The following DEUP1 variants were observed in gnomAD, a reference collection of about 807,000 sequenced individuals.
DEUP1 encodes the protein deuterosome assembly protein 1.
In DEUP1, 82 loss-of-function variants were observed where a neutral mutation model predicts 87.4. The observed-to-expected ratio is 0.94, with a 90% CI of 0.78 to 1.13. The LOEUF (loss-of-function observed/expected upper bound fraction) is 1.13. Ranked by LOEUF, DEUP1 falls within the 50% of genes most tolerant of loss-of-function variation. The probability of loss-of-function intolerance (pLI) is 0.00; values close to 1 mark genes in which losing one functional copy is unlikely to be tolerated. For missense variants in DEUP1, 663 were observed against 681.5 expected, an observed-to-expected ratio of 0.97 and a Z score of 0.30; for synonymous variants, 214 against 222.7, an observed-to-expected ratio of 0.96 and a Z score of 0.35.
intron 12 of DEUP1, among the ~76,000 whole-genome samples, chr11:93,409,867 TATA>T (rs1319494463): frequency 2.6e-5 from 4 of 152,174 alleles, no homozygotes; most frequent in Non-Finnish European, 5.9e-5. Context: ...TGTTAGTATT[TATA>T]ATAATATTTC....
At chr11:93,404,621 T>C (rs1947215202) in intron 11 of DEUP1, among the ~76,000 whole-genome samples, 1 of 152,044 alleles carries the variant, frequency 6.6e-6, no homozygotes, top group African/African-American at 2.4e-5. Flanking sequence ...AGAAAAACCA[T>C]ACATGCAAAA....
At chr11:93,393,422 T>A (rs1946835022) in intron 9 of DEUP1, among the ~76,000 whole-genome samples, 1 of 151,968 alleles carries the variant, frequency 6.6e-6, no homozygotes, top group Non-Finnish European at 1.5e-5. Context: ...TACTGCAACC[T>A]CTGCCCCCTG....
intron 5 of DEUP1, among the ~76,000 whole-genome samples, chr11:93,366,211 T>G (rs1008446704): frequency 2.6e-5 from 4 of 152,170 alleles, no homozygotes; most frequent in Admixed American, 6.5e-5. Context: ...ACTAAGTTGA[T>G]GGTAGTTAAA....
At chr11:93,379,809 A>G (rs1430787637) in intron 7 of DEUP1, among the ~76,000 whole-genome samples, 3 of 134,002 alleles carry the variant, frequency 2.2e-5, no homozygotes, top group African/African-American at 7.6e-5. Context: ...CATGTTACCT[A>G]TTTTGATTTT....
chr11:93,405,455 G>C (rs1164548436), intron 11 of DEUP1, among the ~76,000 whole-genome samples: 1 of 151,870 alleles, frequency 6.6e-6, no homozygotes, highest in Non-Finnish European at 1.5e-5. Flanking sequence ...CTTTTTCAAA[G>C]AGCACCTTGG....
At chr11:93,373,629 A>G (rs71458701) in intron 7 of DEUP1, among the ~76,000 whole-genome samples, 62,454 of 120,032 alleles carry the variant, frequency 0.52, 14,631 homozygotes, top group Admixed American at 0.66. Context: ...ATATACGTAT[A>G]TATATATATA....
At chr11:93,433,284 G>A (rs967249261) in intron 13 of DEUP1, among the ~76,000 whole-genome samples, 2 of 152,180 alleles carry the variant, frequency 1.3e-5, no homozygotes, top group African/African-American at 4.8e-5. Flanking sequence ...TCAGGCCAAG[G>A]CAAGAGGGAT....
intron 4 of DEUP1, among the ~76,000 whole-genome samples, chr11:93,362,982 G>A (rs1945244858): frequency 6.6e-6 from 1 of 151,672 alleles, no homozygotes; most frequent in African/African-American, 2.4e-5. Flanking sequence ...ATTTACAGTA[G>A]ACAAAAACTG....
At chr11:93,400,110 C>T (rs1947069346) in intron 11 of DEUP1, among the ~76,000 whole-genome samples, 1 of 151,874 alleles carries the variant, frequency 6.6e-6, no homozygotes. Flanking sequence ...TAACAGATTC[C>T]CCAATATTGA....
At chr11:93,344,203 T>C (rs917236971) in intron 2 of DEUP1, among the ~76,000 whole-genome samples, 2 of 152,192 alleles carry the variant, frequency 1.3e-5, no homozygotes, top group African/African-American at 4.8e-5. Flanking sequence ...AAGTGGGCTC[T>C]AGGACTTCTG....
intron 2 of DEUP1, among the ~76,000 whole-genome samples, chr11:93,349,279 C>G (rs1459796717): frequency 6.6e-6 from 1 of 152,120 alleles, no homozygotes; most frequent in Non-Finnish European, 1.5e-5. Flanking sequence ...GATAAATACA[C>G]AGCTCTACCA....
At chr11:93,432,390 C>G (rs1333467828) in intron 13 of DEUP1, among the ~76,000 whole-genome samples, 2 of 152,110 alleles carry the variant, frequency 1.3e-5, no homozygotes, top group Admixed American at 1.3e-4. Flanking sequence ...AGGAGGAAGC[C>G]AGGCCACAAC....
chr11:93,347,062 A>G (rs1944384803), intron 2 of DEUP1, among the ~76,000 whole-genome samples: 1 of 152,128 alleles, frequency 6.6e-6, no homozygotes, highest in Non-Finnish European at 1.5e-5. Context: ...TGCCCTGGCC[A>G]GGACTTCCAA....
intron 7 of DEUP1, among the ~76,000 whole-genome samples, chr11:93,383,191 T>C (rs1434179125): frequency 1.3e-5 from 2 of 152,210 alleles, no homozygotes; most frequent in African/African-American, 4.8e-5. Flanking sequence ...TTATTCATAA[T>C]AATCAAAAAG....
chr11:93,383,678 T>G (rs947994153), intron 7 of DEUP1: 7 of 629,764 alleles, frequency 1.1e-5, no homozygotes, highest in Admixed American at 9.3e-5. Context: ...TCAATGAATA[T>G]TCAGTATATC....
At chr11:93,367,719 A>G (rs976413978) in intron 5 of DEUP1, among the ~76,000 whole-genome samples, 6 of 152,236 alleles carry the variant, frequency 3.9e-5, no homozygotes, top group African/African-American at 1.2e-4. Context: ...TGAGGGTTGA[A>G]AACATCACTA....
At chr11:93,418,003 T>A (rs1378309167) in intron 13 of DEUP1, among the ~76,000 whole-genome samples, 1 of 151,906 alleles carries the variant, frequency 6.6e-6, no homozygotes, top group Non-Finnish European at 1.5e-5. Context: ...ACTGGATCCC[T>A]TCCTTATACC....
At chr11:93,396,184 G>A in intron 10 of DEUP1, 55 bp from the exon 11 acceptor site, 1 of 1,101,388 alleles carries the variant, frequency 9.1e-7, no homozygotes, top group South Asian at 1.5e-5. Context: ...AATTTTAATA[G>A]AATTATGAGT....
intron 7 of DEUP1, among the ~76,000 whole-genome samples, chr11:93,375,906 G>A (rs574166503): frequency 1.3e-5 from 2 of 152,072 alleles, no homozygotes; most frequent in Non-Finnish European, 2.9e-5. Flanking sequence ...CTGTGAATCT[G>A]TCTGGTCCTG....
Sources: allele counts gnomAD v4.1 joint callset (sites outside exome capture counted in the v4.1 genomes callset), GRCh38; gene constraint gnomAD v4.1.1; transcripts MANE v1.5; gene names NCBI Gene and HGNC (gene_info 2026-07-23, HGNC 2026-07-21).